CAPN7: variants seen among roughly 807,000 people sequenced by gnomAD.
CAPN7 encodes calpain-7.
Under a neutral mutation model 115.2 loss-of-function variants are expected in CAPN7, and 72 were observed. The ratio of observed to expected loss-of-function variants is 0.63; its 90% CI spans 0.52 to 0.76. The LOEUF is 0.76. Ranked by LOEUF, CAPN7 falls within the 30% of genes least tolerant of loss-of-function variation. The pLI, the probability that CAPN7 is intolerant of heterozygous loss-of-function variation, is 0.00. For synonymous variants in CAPN7, 344 were observed against 322.3 expected (o/e 1.07, Z -0.72); for missense variants, 905 against 971.5 (o/e 0.93, Z 0.91).
intron 19 of CAPN7, among the ~76,000 whole-genome samples, chr3:15,249,279 T>C (rs1695862281): frequency 6.6e-6 from 1 of 152,188 alleles, no homozygotes; most frequent in East Asian, 1.9e-4. Context: ...TTCATTACAA[T>C]ATTGTTTATT....
intron 1 of CAPN7, among the ~76,000 whole-genome samples, chr3:15,209,868 T>C (rs551782642): frequency 6.6e-6 from 1 of 152,372 alleles, no homozygotes; most frequent in East Asian, 1.9e-4. Context: ...CTAGAAATTA[T>C]TTATATAAGC....
intron 2 of CAPN7, 125 bp from the exon 3 acceptor site, chr3:15,217,300 C>G: frequency 2.5e-6 from 2 of 811,320 alleles, no homozygotes; most frequent in Non-Finnish European, 3.5e-6. Flanking sequence ...TTTTTTTAAC[C>G]TTGCTAAGTT....
intron 6 of CAPN7, among the ~76,000 whole-genome samples, chr3:15,224,159 T>G (rs1694165287): frequency 6.6e-6 from 1 of 152,126 alleles, no homozygotes; most frequent in Admixed American, 6.6e-5. Context: ...TAAATAATAG[T>G]ACATCTATAC....
intron 6 of CAPN7, among the ~76,000 whole-genome samples, chr3:15,224,275 T>C (rs961594518): frequency 9.9e-5 from 15 of 152,050 alleles, no homozygotes; most frequent in African/African-American, 3.4e-4. Flanking sequence ...ATTTTTTTTT[T>C]TTTTCTTTTT....
chr3:15,221,424 C>T (rs1017029745), intron 5 of CAPN7, among the ~76,000 whole-genome samples: 3 of 149,632 alleles, frequency 2.0e-5, no homozygotes, highest in African/African-American at 7.4e-5. Context: ...AGCTCCTGAC[C>T]TCAGGTGATT....
chr3:15,210,985 G>A lies in CAPN7; in HGVS notation c.103-1119G>A, dbSNP rs929626692. ...GGTGGTAGCATTGGTAACCTTCCTGGAATGGTGATGAGGAGAATGGAAACA... is the reference window on the plus strand; with the variant it reads ...GGTGGTAGCATTGGTAACCTTCCTGAAATGGTGATGAGGAGAATGGAAACA... On this transcript the variant is annotated intron_variant, in intron 1 of 20. Coordinates refer to ENST00000253693, the MANE Select transcript of CAPN7 (RefSeq NM_014296.3). The A allele has an allele frequency of 5.4e-6, 6 of 1,103,178 alleles. No individual in the cohort carries two copies. In the South Asian group the frequency reaches 1.2e-4, roughly 22 times the overall value. The allele number at this position is 1,103,178 out of a possible 1,614,324, so 68.3% of individuals were successfully genotyped here. A position where few individuals can be genotyped will look rare whatever the true frequency, so the allele number is the denominator to read the frequency against.
chr3:15,251,293 T>TA lies in CAPN7; in HGVS notation c.*34dup. The TA allele has an allele frequency of 6.5e-7, 1 of 1,535,744 alleles. No homozygotes were observed. The highest frequency in any genetic ancestry group is 8.8e-7 in the Non-Finnish European group (1 of 1,139,198). ...ATCTCAAGTTACTGGCTTTTATACT[T>TA]ACCAAACATCAGTTCTTCAAATAAG... On this transcript the variant is annotated 3_prime_UTR_variant, in exon 21 of 21. Coordinates refer to ENST00000253693, the MANE Select transcript of CAPN7 (RefSeq NM_014296.3).
At chr3:15,218,608 A>G in intron 4 of CAPN7, 68 bp downstream of exon 4, 2 of 1,126,992 alleles carry the variant, frequency 1.8e-6, no homozygotes, top group Non-Finnish European at 2.7e-6. Context: ...ATTTATCTAA[A>G]TGTGTTGTAA....
intron 12 of CAPN7, among the ~76,000 whole-genome samples, chr3:15,240,188 C>T (rs1695256953): frequency 6.6e-6 from 1 of 152,210 alleles, no homozygotes; most frequent in Non-Finnish European, 1.5e-5. Flanking sequence ...GGTCATTTAA[C>T]ATTTGAAATG....
At chr3:15,220,566 G>C (rs993693207) in intron 4 of CAPN7, among the ~76,000 whole-genome samples, 1 of 152,208 alleles carries the variant, frequency 6.6e-6, no homozygotes, top group African/African-American at 2.4e-5. Flanking sequence ...GATTATGTAA[G>C]TGCTTAATTA....
At chr3:15,209,904 T>G (rs1202410487) in intron 1 of CAPN7, among the ~76,000 whole-genome samples, 1 of 152,246 alleles carries the variant, frequency 6.6e-6, no homozygotes, top group Non-Finnish European at 1.5e-5. Flanking sequence ...TTTAGTGTTT[T>G]CTGCCCAGTC....
chr3:15,236,087 C>G (rs1426790174), intron 12 of CAPN7, among the ~76,000 whole-genome samples: 1 of 152,180 alleles, frequency 6.6e-6, no homozygotes, highest in Non-Finnish European at 1.5e-5. Flanking sequence ...GGGAAGATTG[C>G]TTGAGCACAG....
In CAPN7 at chr3:15,232,688, C is replaced by T. The variant is rs775550837; in HGVS notation, c.1179+23C>T. ...TCCGTAAGTAATAGATAAGACGATC[C>T]AGACACAGATTTAAGCTATCTAATA... On this transcript the variant is annotated intron_variant, in intron 10 of 20. Coordinates refer to ENST00000253693, the MANE Select transcript of CAPN7 (RefSeq NM_014296.3). The T allele has an allele frequency of 8.9e-6, 14 of 1,572,484 alleles. No homozygotes were observed. The East Asian group carries it at 3.2e-4, about 36-fold the overall frequency.
At chr3:15,246,035 G>A (rs950694549) in intron 17 of CAPN7, 2 of 157,638 alleles carry the variant, frequency 1.3e-5, no homozygotes, top group Non-Finnish European at 2.8e-5. Flanking sequence ...TCCACTTCCC[G>A]GGCTCAAGTA....
chr3:15,240,571 A>G lies in CAPN7; in HGVS notation c.1506A>G (p.Gln502=), dbSNP rs1695282012. Residue 502 remains glutamine, a synonymous_variant, in exon 13 of 21, where the codon CAA becomes CAG. Transcript: ENST00000253693. ...NDVKNWTPEL[Q]KYLNFDPRTA... is the part of the protein sequence containing the mutation. ...TAAAAAACTGGACTCCAGAGTTGCA[A>G]AAGTATTTAAACTTTGATCCCCGAA... The G allele has an allele frequency of 4.3e-6, 7 of 1,612,618 alleles. No individual in the cohort carries two copies. The highest frequency in any genetic ancestry group is 4.2e-6 in the Non-Finnish European group (5 of 1,179,614).
chr3:15,208,218 T>A (rs556783756), intron 1 of CAPN7, among the ~76,000 whole-genome samples: 2 of 152,220 alleles, frequency 1.3e-5, no homozygotes, highest in South Asian at 4.1e-4. Flanking sequence ...TGCTTTTTTT[T>A]TTTTTTTACA....
At chr3:15,238,039 C>G (rs558267174) in intron 12 of CAPN7, among the ~76,000 whole-genome samples, 103 of 150,842 alleles carry the variant, frequency 6.8e-4, no homozygotes, top group African/African-American at 2.2e-3. Context: ...AAGGAGTTTC[C>G]TAGGTGCATT....
rs376657660 is a variant in CAPN7, at chr3:15,242,457, G to A, written c.1864+204G>A. On this transcript the variant is annotated intron_variant, in intron 16 of 20. Coordinates refer to ENST00000253693, the MANE Select transcript of CAPN7 (RefSeq NM_014296.3). ...GTTTTAATTTGGAGACTCCAAGGGG[G>A]GATTTCCATATTCTCGCACATGGCT... Among the ~76,000 whole-genome samples the A allele has an allele frequency of 8.5e-5, 13 of 152,080 alleles. No homozygotes were observed. In the East Asian group the frequency reaches 2.5e-3, roughly 29 times the overall value.
At chr3:15,210,703 C>G in intron 1 of CAPN7, 2 of 972,330 alleles carry the variant, frequency 2.1e-6, no homozygotes, top group South Asian at 2.8e-5. Context: ...TCAGGTGATC[C>G]TCCCGCCTCA....
Sources: gnomAD v4.1 joint callset for allele counts (sites outside exome capture counted in the v4.1 genomes callset) on GRCh38, gnomAD v4.1.1 for gene constraint, MANE v1.5 for transcripts, NCBI Gene and HGNC (gene_info 2026-07-23, HGNC 2026-07-21) for gene names.